The following C12orf56 variants were observed in gnomAD, a reference collection of about 807,000 sequenced individuals.
C12orf56 encodes uncharacterized protein C12orf56.
Under a neutral mutation model 69.9 loss-of-function variants are expected in C12orf56, and 71 were observed. That is an observed-to-expected ratio of 1.02 (90% CI 0.84 to 1.24). The LOEUF (loss-of-function observed/expected upper bound fraction) is 1.24, where lower values mean the gene tolerates loss of function less well. Ranked by LOEUF, C12orf56 falls within the 50% of genes most tolerant of loss-of-function variation. The pLI is 0.00. For missense variants in C12orf56, 732 were observed against 738.5 expected, an observed-to-expected ratio of 0.99 and a Z score of 0.10; for synonymous variants, 276 against 274.1, an observed-to-expected ratio of 1.01 and a Z score of -0.07.
chr12:64,299,234 G>A (rs1242178098), intron 6 of C12orf56, among the ~76,000 whole-genome samples: 1 of 152,124 alleles, frequency 6.6e-6, no homozygotes, highest in African/African-American at 2.4e-5. Context: ...CATTGATTTC[G>A]TATCCTGAGA....
At chr12:64,372,000 C>A (rs1295905100) in intron 1 of C12orf56, among the ~76,000 whole-genome samples, 1 of 149,590 alleles carries the variant, frequency 6.7e-6, no homozygotes, top group African/African-American at 2.5e-5. Context: ...AGGCTGGTCT[C>A]AAACTACTGA....
chr12:64,382,282 A>G (rs1291331872), intron 1 of C12orf56, among the ~76,000 whole-genome samples: 2 of 139,004 alleles, frequency 1.4e-5, no homozygotes, highest in Middle Eastern at 7.5e-3. Flanking sequence ...AAAAAAAAAA[A>G]GAATAAATGA....
chr12:64,276,000 C>T lies in C12orf56; in HGVS notation c.1435-628G>A, dbSNP rs565460064. Among the ~76,000 whole-genome samples the T allele has an allele frequency of 2.1e-4, 16 of 75,260 alleles. No homozygotes were observed. In the East Asian group the frequency reaches 8.5e-3, roughly 40 times the overall value. 49.4% of individuals were successfully genotyped at this position (75,260 alleles called of 152,430 possible). On this transcript the variant is annotated intron_variant, in intron 9 of 12. Transcript: ENST00000543942. ...TTCCTTTCAAGAATGTAGAAATACA[C>T]ACCCCCCCCCGCGAGTTGAGGTGAG...
rs200351319 is a variant in C12orf56, at chr12:64,276,993, T to TAAAAAAAAAAAAAAAAAAAAAAAAAA, written c.1434+686_1434+687insTTTTTTTTTTTTTTTTTTTTTTTTTT. ...TGGGCAACAGAGTGAAACCCTTTCT[T>TAAAAAAAAAAAAAAAAAAAAAAAAAA]AAAAAAAAAAAAAAAAAAAAAAATT... On this transcript the variant is annotated intron_variant, in intron 9 of 12. Coordinates refer to ENST00000543942, the MANE Select transcript of C12orf56 (RefSeq NM_001170633.2). 1.6e-4 allele frequency among the ~76,000 whole-genome samples: 11 copies of TAAAAAAAAAAAAAAAAAAAAAAAAAA among 69,220 alleles called. 1 individual carries two copies. The highest frequency in any genetic ancestry group is 6.3e-4 in the African/African-American group (11 of 17,392). 45.4% of individuals were successfully genotyped at this position (69,220 alleles called of 152,430 possible).
In C12orf56 at chr12:64,390,627, G is replaced by C; in HGVS notation, c.-62C>G. 7.2e-7 allele frequency: 1 copy of C among 1,387,032 alleles called. No homozygotes were observed. Among genetic ancestry groups the C allele is most frequent in the Non-Finnish European group, 9.3e-7 (1 of 1,079,136 alleles). The allele number at this position is 1,387,032 out of a possible 1,614,324, so 85.9% of individuals were successfully genotyped here. On this transcript the variant is annotated 5_prime_UTR_variant, in exon 1 of 13. Transcript: ENST00000543942. The stretch of plus-strand genomic sequence containing the variant: ...GAGGCCCTCAGCTCGCCCTCTCCCC[G>C]CCCCCGCGCTGGAACCCGCGCGCCA...
intron 1 of C12orf56, among the ~76,000 whole-genome samples, chr12:64,379,998 C>A (rs563274141): frequency 9.9e-4 from 147 of 147,902 alleles, no homozygotes; most frequent in Non-Finnish European, 1.5e-4. Flanking sequence ...CCAGCTACTC[C>A]GGAGGCTGAG....
At chr12:64,268,176 A>C (rs906217525) in intron 12 of C12orf56, among the ~76,000 whole-genome samples, 2 of 152,210 alleles carry the variant, frequency 1.3e-5, no homozygotes, top group African/African-American at 4.8e-5. Context: ...AGTTTAAAAC[A>C]AGAATCCACA....
chr12:64,269,180 T>G (rs4491343), intron 12 of C12orf56, among the ~76,000 whole-genome samples: 73,814 of 150,896 alleles, frequency 0.49, 18,524 homozygotes, highest in Middle Eastern at 0.58. Flanking sequence ...AGTTTTTTTT[T>G]AAAAAAAGAC....
At chr12:64,380,237 G>A (rs1346681796) in intron 1 of C12orf56, among the ~76,000 whole-genome samples, 1 of 150,578 alleles carries the variant, frequency 6.6e-6, no homozygotes, top group African/African-American at 2.5e-5. Context: ...AGCATCATGA[G>A]ACCTATAAGA....
chr12:64,322,160 A>C (rs188498036), intron 3 of C12orf56, among the ~76,000 whole-genome samples: 3 of 151,694 alleles, frequency 2.0e-5, no homozygotes, highest in Non-Finnish European at 4.4e-5. Context: ...TCTGCACTAT[A>C]CTTTTTCTCC....
chr12:64,386,588 G>T (rs1592510173), intron 1 of C12orf56, among the ~76,000 whole-genome samples: 1 of 152,058 alleles, frequency 6.6e-6, no homozygotes, highest in Non-Finnish European at 1.5e-5. Flanking sequence ...TAGAGACGGG[G>T]TGTCTCCATG....
At position 64,330,965 on chromosome 12, in the gene C12orf56, A is replaced by T; in HGVS notation, c.483T>A (p.Pro161=). The change falls in exon 3 of 13, where the codon CCT becomes CCA. Residue 161 remains proline, a synonymous_variant. Coordinates refer to ENST00000543942, the MANE Select transcript of C12orf56 (RefSeq NM_001170633.2). ...ACTCCAAACAACAATCTCACCTGAG[A>T]GGAGATTCTTTCAGACTTCTGGACT... ...SKESRSLKES[P]LRDQQESSTP... The T allele has an allele frequency of 6.4e-7, 1 of 1,553,492 alleles. No individual in the cohort carries two copies. The highest frequency in any genetic ancestry group is 2.4e-5 in the East Asian group (1 of 41,802).
In C12orf56 at chr12:64,318,970, C is replaced by G. The variant is rs2038731840; in HGVS notation, c.499G>C (p.Glu167Gln). Residue 167 changes from glutamate (E) to glutamine (Q), a missense_variant, in exon 4 of 13, where the codon GAG becomes CAG. Physicochemically the swap from Glu to Gln is conservative, Grantham distance 29. Transcript: ENST00000543942. ...LKESPLRDQQ[E>Q]SSTPSKDSTL... ...GAGTCCTTGGATGGTGTACTGCTCTCCTGCTGGTCCCTGTCAGGTAGAATT... is the reference window on the plus strand; with the variant it reads ...GAGTCCTTGGATGGTGTACTGCTCTGCTGCTGGTCCCTGTCAGGTAGAATT... 9.5e-6 allele frequency: 14 copies of G among 1,479,356 alleles called. No homozygotes were observed. Among genetic ancestry groups the G allele is most frequent in the Non-Finnish European group, 1.3e-5 (14 of 1,119,948 alleles). 91.6% of individuals were successfully genotyped at this position (1,479,356 alleles called of 1,614,324 possible).
At chr12:64,281,211 TAC>T (rs2038121128) in intron 8 of C12orf56, among the ~76,000 whole-genome samples, 1 of 151,852 alleles carries the variant, frequency 6.6e-6, no homozygotes, top group African/African-American at 2.4e-5. Context: ...GGGCGGAGAT[TAC>T]AGTCAGCCAA....
chr12:64,370,732 T>C (rs1023783228), intron 1 of C12orf56, among the ~76,000 whole-genome samples: 2 of 152,124 alleles, frequency 1.3e-5, no homozygotes, highest in Non-Finnish European at 2.9e-5. Flanking sequence ...GAAACAATCT[T>C]GAGAAAGAAG....
Position 64,267,294 on chromosome 12 carries a change from A to T in C12orf56, c.1764-6T>A. 5 of 1,594,884 alleles carry T rather than the reference A, an allele frequency of 3.1e-6. No homozygotes were observed. Among genetic ancestry groups the T allele is most frequent in the Non-Finnish European group, 3.4e-6 (4 of 1,168,190 alleles). On this transcript the variant is annotated splice_region_variant and splice_polypyrimidine_tract_variant and intron_variant, in intron 12 of 12. Transcript: ENST00000543942. ...CTGGCATGTGAATAAAGTACCTGCAAATCATAAAAAGAAACAAAATAGAGA... is the reference window on the plus strand; with the variant it reads ...CTGGCATGTGAATAAAGTACCTGCATATCATAAAAAGAAACAAAATAGAGA...
intron 1 of C12orf56, among the ~76,000 whole-genome samples, chr12:64,375,077 A>AT (rs1247286669): frequency 9.3e-5 from 14 of 150,806 alleles, no homozygotes; most frequent in East Asian, 3.9e-4. Context: ...TTATTTATTT[A>AT]TTTATTTTTT....
intron 1 of C12orf56, among the ~76,000 whole-genome samples, chr12:64,378,263 G>A (rs1165122770): frequency 6.6e-6 from 1 of 152,140 alleles, no homozygotes; most frequent in African/African-American, 2.4e-5. Context: ...GCCTGACTCT[G>A]GCTAATAAAA....
rs1565777782 is a variant in C12orf56, at chr12:64,367,233, T to TAACATACA, written c.253-14178_253-14177insTGTATGTT. ...TATAACATACAGTTTATATATTATATGTAATATACAGTTTATATATTATAT... is the reference window on the plus strand; with the variant it reads ...TATAACATACAGTTTATATATTATATAACATACAGTAATATACAGTTTATATATTATAT... On this transcript the variant is annotated intron_variant, in intron 1 of 12. Coordinates refer to ENST00000543942, the MANE Select transcript of C12orf56 (RefSeq NM_001170633.2). Among the ~76,000 whole-genome samples, 308 of 108,710 alleles carry TAACATACA rather than the reference T, an allele frequency of 2.8e-3. 92 individuals carry two copies. The highest frequency in any genetic ancestry group is 4.3e-3 in the Non-Finnish European group (233 of 54,574). 71.3% of individuals were successfully genotyped at this position (108,710 alleles called of 152,430 possible).
Sources: gnomAD v4.1 joint callset for allele counts (sites outside exome capture counted in the v4.1 genomes callset) on GRCh38, gnomAD v4.1.1 for gene constraint, MANE v1.5 for transcripts, NCBI Gene and HGNC (gene_info 2026-07-23, HGNC 2026-07-21) for gene names.